KSR2: variants seen among roughly 807,000 people sequenced by gnomAD.
KSR2 encodes kinase suppressor of ras 2.
In KSR2, 25 loss-of-function variants were observed where a neutral mutation model predicts 107.8. The observed-to-expected ratio is 0.23, with a 90% CI of 0.17 to 0.32. The LOEUF (loss-of-function observed/expected upper bound fraction) is 0.32. Ranked by LOEUF, KSR2 falls within the 10% of genes least tolerant of loss-of-function variation. The probability of loss-of-function intolerance (pLI) is 1.00; values close to 1 mark genes in which losing one functional copy is unlikely to be tolerated. For synonymous variants in KSR2, 480 were observed against 507.0 expected, an observed-to-expected ratio of 0.95 and a Z score of 0.71; for missense variants, 887 against 1,268.9, an observed-to-expected ratio of 0.70 and a Z score of 4.57.
At chr12:117,818,499 C>G (rs1593267139) in intron 3 of KSR2, among the ~76,000 whole-genome samples, 1 of 152,306 alleles carries the variant, frequency 6.6e-6, no homozygotes, top group Non-Finnish European at 1.5e-5. Flanking sequence ...ACTCACAGCA[C>G]AGCCTATGGG....
chr12:117,743,205 C>T (rs915928126), intron 4 of KSR2, among the ~76,000 whole-genome samples: 1 of 152,196 alleles, frequency 6.6e-6, no homozygotes, highest in Non-Finnish European at 1.5e-5. Context: ...TTCATTACAC[C>T]GTTTAGGTTT....
chr12:117,670,582 G>A (rs1469823930), intron 4 of KSR2, among the ~76,000 whole-genome samples: 1 of 152,178 alleles, frequency 6.6e-6, no homozygotes, highest in African/African-American at 2.4e-5. Context: ...TCAGGTCAGA[G>A]GCACTGGGGT....
At chr12:117,475,493 C>G (rs1329336640) in intron 17 of KSR2, among the ~76,000 whole-genome samples, 1 of 152,296 alleles carries the variant, frequency 6.6e-6, no homozygotes, top group Non-Finnish European at 1.5e-5. Context: ...TGTACTCAAT[C>G]TTTAACTTAG....
At chr12:117,730,978 G>A (rs1035979570) in intron 4 of KSR2, among the ~76,000 whole-genome samples, 2 of 151,670 alleles carry the variant, frequency 1.3e-5, no homozygotes, top group African/African-American at 4.8e-5. Context: ...CATCGTCTGG[G>A]ATGTGAGGAG....
chr12:117,762,357 C>T (rs1308985489), intron 3 of KSR2, among the ~76,000 whole-genome samples: 1 of 152,158 alleles, frequency 6.6e-6, no homozygotes, highest in African/African-American at 2.4e-5. Context: ...ATCTGTGTCG[C>T]CATGTTCTTA....
chr12:117,817,132 A>T (rs1179998797), intron 3 of KSR2, among the ~76,000 whole-genome samples: 1 of 152,180 alleles, frequency 6.6e-6, no homozygotes, highest in African/African-American at 2.4e-5. Context: ...CACAGTTTTC[A>T]ATCAACTTCA....
chr12:117,768,558 G>C (rs900547753), intron 3 of KSR2, among the ~76,000 whole-genome samples: 2 of 152,050 alleles, frequency 1.3e-5, no homozygotes, highest in African/African-American at 4.8e-5. Context: ...TGAGCATCAT[G>C]GAAACATGTC....
intron 4 of KSR2, among the ~76,000 whole-genome samples, chr12:117,697,503 G>A (rs949864359): frequency 6.6e-6 from 1 of 152,154 alleles, no homozygotes; most frequent in Non-Finnish European, 1.5e-5. Context: ...AGCACTTTGG[G>A]AGGCCAAGGC....
At position 117,455,169 on chromosome 12, in the gene KSR2, C is replaced by T. The variant is rs1211275554; in HGVS notation, c.*12030G>A. The T allele has an allele frequency of 6.6e-6, 1 of 152,302 alleles. No individual in the cohort carries two copies. Among genetic ancestry groups the T allele is most frequent in the Non-Finnish European group, 1.5e-5 (1 of 68,150 alleles). 9.4% of individuals were successfully genotyped at this position (152,302 alleles called of 1,614,324 possible). A position where few individuals can be genotyped will look rare whatever the true frequency, so the allele number is the denominator to read the frequency against. On this transcript the variant is annotated 3_prime_UTR_variant, in exon 20 of 20. Coordinates refer to ENST00000339824, the MANE Select transcript of KSR2 (RefSeq NM_173598.6). ...CAAAACTCTCCTCAGACATCTTCCC[C>T]CACAGGACACCAAGGCTAACAGTAG...
chr12:117,794,186 GCACA>G (rs746425354), intron 3 of KSR2, among the ~76,000 whole-genome samples: 1 of 92,940 alleles, frequency 1.1e-5, no homozygotes, highest in African/African-American at 4.5e-5. Context: ...ACACCAACAT[GCACA>G]CACACCATGC....
chr12:117,834,986 C>A (rs1453053783), intron 3 of KSR2, among the ~76,000 whole-genome samples: 1 of 152,200 alleles, frequency 6.6e-6, no homozygotes, highest in South Asian at 2.1e-4. Context: ...GGCAGGGATG[C>A]AGTTTCTGCT....
chr12:117,492,293 A>C (rs1872786631), intron 14 of KSR2, among the ~76,000 whole-genome samples: 1 of 152,238 alleles, frequency 6.6e-6, no homozygotes, highest in Non-Finnish European at 1.5e-5. Context: ...ATCATCTAGA[A>C]GGTTTGTCTC....
At chr12:117,950,760 A>C (rs1477963846) in intron 1 of KSR2, among the ~76,000 whole-genome samples, 2 of 148,220 alleles carry the variant, frequency 1.3e-5, no homozygotes, top group Non-Finnish European at 3.0e-5. Flanking sequence ...AATAATAATA[A>C]TAATAATAAT....
chr12:117,595,413 G>T (rs1297465276), intron 5 of KSR2, among the ~76,000 whole-genome samples: 1 of 121,644 alleles, frequency 8.2e-6, no homozygotes, highest in African/African-American at 3.4e-5. Context: ...GCCGGACTGC[G>T]GACTGCAGTG....
chr12:117,850,808 CA>C (rs11308554), intron 3 of KSR2, among the ~76,000 whole-genome samples: 28,339 of 140,004 alleles, frequency 0.2, 2,820 homozygotes, highest in East Asian at 0.31. Context: ...GACCCCATCT[CA>C]AAAAAAAAAA....
At chr12:117,785,213 G>A (rs1890022880) in intron 3 of KSR2, among the ~76,000 whole-genome samples, 1 of 152,022 alleles carries the variant, frequency 6.6e-6, no homozygotes, top group Admixed American at 6.6e-5. Flanking sequence ...TCAGGAGTTT[G>A]AGACCAGCCT....
At chr12:117,545,463 C>T (rs908928326) in intron 9 of KSR2, among the ~76,000 whole-genome samples, 12 of 152,180 alleles carry the variant, frequency 7.9e-5, no homozygotes, top group Middle Eastern at 3.4e-3. Context: ...TTACGAATTC[C>T]GTTTCCTTAA....
At chr12:117,806,063 TA>T (rs765058314) in intron 3 of KSR2, among the ~76,000 whole-genome samples, 61 of 152,160 alleles carry the variant, frequency 4.0e-4, no homozygotes, top group South Asian at 8.3e-4. Context: ...CAAATTAATG[TA>T]ATATGATCCC....
intron 5 of KSR2, among the ~76,000 whole-genome samples, chr12:117,646,696 G>A (rs1050258327): frequency 3.3e-5 from 5 of 152,222 alleles, no homozygotes; most frequent in East Asian, 1.9e-4. Context: ...ACCAGCACCC[G>A]CCCTACAGAG....
Sources: allele counts gnomAD v4.1 joint callset (sites outside exome capture counted in the v4.1 genomes callset), GRCh38; gene constraint gnomAD v4.1.1; transcripts MANE v1.5; gene names NCBI Gene and HGNC (gene_info 2026-07-23, HGNC 2026-07-21).